Variants in DDX54 observed in about 807,000 individuals in gnomAD.
DDX54 encodes the protein ATP-dependent RNA helicase DDX54.
In DDX54, 67 loss-of-function variants were observed where a neutral mutation model predicts 105.5. That is an observed-to-expected ratio of 0.64 (90% CI 0.52 to 0.78). The LOEUF is 0.78. Ranked by LOEUF, DDX54 falls within the 30% of genes least tolerant of loss-of-function variation. The probability of loss-of-function intolerance (pLI) is 0.00; values close to 1 mark genes in which losing one functional copy is unlikely to be tolerated. For missense variants in DDX54, 1,206 were observed against 1,230.5 expected (o/e 0.98, Z 0.30); for synonymous variants, 514 against 509.9 (o/e 1.01, Z -0.11).
At chr12:113,161,591 T>G in intron 18 of DDX54, 1 of 527,940 alleles carries the variant, frequency 1.9e-6, no homozygotes, top group Non-Finnish European at 3.3e-6. Flanking sequence ...TTATTGGAGA[T>G]GCCGCTGCTG....
At chr12:113,184,172 C>G (rs968041811) in intron 1 of DDX54, among the ~76,000 whole-genome samples, 2 of 152,160 alleles carry the variant, frequency 1.3e-5, no homozygotes, top group Non-Finnish European at 2.9e-5. Flanking sequence ...TCTTGAACTC[C>G]CGACCTCAGG....
At position 113,163,524 on chromosome 12, in the gene DDX54, A is replaced by G. The variant is rs1703581181; in HGVS notation, c.1939-250T>C. 6.6e-6 allele frequency among the ~76,000 whole-genome samples: 1 copy of G among 152,040 alleles called. No individual in the cohort carries two copies. The highest frequency in any genetic ancestry group is 2.1e-4 in the South Asian group (1 of 4,828). The stretch of plus-strand genomic sequence containing the variant: ...GGCAGGACAGCTGGGTGAGGAGGAG[A>G]GTGCCGGCCGAGGGAGACCCAACTC... On this transcript the variant is annotated intron_variant, in intron 15 of 19. Coordinates refer to ENST00000306014, the MANE Select transcript of DDX54 (RefSeq NM_024072.4). This position sits in a 1 kb window ranked among gnomAD's most constrained non-coding sequence, Gnocchi z 5.9.
intron 1 of DDX54, among the ~76,000 whole-genome samples, chr12:113,184,724 G>A (rs1272035292): frequency 6.6e-6 from 1 of 152,170 alleles, no homozygotes; most frequent in East Asian, 1.9e-4. Context: ...TACCGGAGAG[G>A]CTGACGTGGG....
chr12:113,164,424 C>T, intron 14 of DDX54, 139 bp from the exon 15 acceptor site: 1 of 1,083,762 alleles, frequency 9.2e-7, no homozygotes, highest in South Asian at 1.7e-5. Flanking sequence ...ATTAGATAGA[C>T]AGACCCAGAC....
Position 113,157,556 on chromosome 12 carries a change from C to A in DDX54, c.*1321G>T. The A allele has an allele frequency of 6.6e-7, 1 of 1,512,634 alleles. No individual in the cohort carries two copies. Among genetic ancestry groups the A allele is most frequent in the Non-Finnish European group, 9.0e-7 (1 of 1,111,812 alleles). 93.7% of individuals were successfully genotyped at this position (1,512,634 alleles called of 1,614,324 possible). A position where few individuals can be genotyped will look rare whatever the true frequency, so the allele number is the denominator to read the frequency against. On this transcript the variant is annotated 3_prime_UTR_variant, in exon 20 of 20. Coordinates refer to ENST00000306014, the MANE Select transcript of DDX54 (RefSeq NM_024072.4). ...CGCGTGTTGAGGGGTGGGGGCTGGA[C>A]AGTGACTCTGGGGCTGGGATGTGAC...
chr12:113,161,923 C>T lies in DDX54; in HGVS notation c.2270G>A (p.Arg757His). Residue 757 changes from arginine (R) to histidine (H), a missense_variant, in exon 18 of 20, where the codon CGC becomes CAC. Arg to His is a conservative substitution (Grantham distance 29). Coordinates refer to ENST00000306014, the MANE Select transcript of DDX54 (RefSeq NM_024072.4). Reference protein sequence around the residue: ...DKKKIKTESGRYISSSYKRDL... With the variant: ...DKKKIKTESGHYISSSYKRDL... ...TCGCTTGTAGGAGCTGCTGATGTAGCGGCCGCTCTCTGTCTTAATCTTCTT... is the reference window on the plus strand; with the variant it reads ...TCGCTTGTAGGAGCTGCTGATGTAGTGGCCGCTCTCTGTCTTAATCTTCTT... The T allele has an allele frequency of 1.2e-6, 2 of 1,612,632 alleles. No homozygotes were observed. Among genetic ancestry groups the T allele is most frequent in the Non-Finnish European group, 1.7e-6 (2 of 1,179,828 alleles).
chr12:113,172,557 T>C lies in DDX54; in HGVS notation c.1075A>G (p.Thr359Ala). ...HHAEYLTELL[T>A]TQRVSCAHIY... ...TGGGCGCAGCTCACCCGCTGGGTCGTCAGCAGCTGCTCAGAGCAAAGATGG... is the reference window on the plus strand; with the variant it reads ...TGGGCGCAGCTCACCCGCTGGGTCGCCAGCAGCTGCTCAGAGCAAAGATGG... Residue 359 changes from threonine to alanine, a missense_variant, in exon 11 of 20, where the codon ACG becomes GCG. Transcript: ENST00000306014. The C allele has an allele frequency of 6.2e-7, 1 of 1,614,084 alleles. No individual in the cohort carries two copies. Among genetic ancestry groups the C allele is most frequent in the Non-Finnish European group, 8.5e-7 (1 of 1,180,024 alleles).
At chr12:113,168,582 A>C (rs1241175389) in intron 12 of DDX54, among the ~76,000 whole-genome samples, 3 of 152,370 alleles carry the variant, frequency 2.0e-5, no homozygotes, top group African/African-American at 7.2e-5. Context: ...GATGGAGGCC[A>C]TGGTGATTGC....
chr12:113,180,813 C>T lies in DDX54; in HGVS notation c.304+116G>A, dbSNP rs1040668816. The T allele has an allele frequency of 2.6e-6, 4 of 1,535,514 alleles. No homozygotes were observed. The African/African-American group carries it at 5.6e-5, about 21-fold the overall frequency. Reference sequence around the variant, plus strand: ...TGACTGGAGGACCACATCTGCTACCCCGGTCTACCCAACCACAGTGCTGGG... The same window carrying T: ...TGACTGGAGGACCACATCTGCTACCTCGGTCTACCCAACCACAGTGCTGGG... On this transcript the variant is annotated intron_variant, in intron 2 of 19. Transcript: ENST00000306014.
intron 12 of DDX54, among the ~76,000 whole-genome samples, chr12:113,168,899 C>T (rs751880043): frequency 6.6e-6 from 1 of 152,048 alleles, no homozygotes; most frequent in Non-Finnish European, 1.5e-5. Context: ...CACTGCACTC[C>T]AGCCTGGGCA....
chr12:113,165,551 G>A (rs1306934313), intron 14 of DDX54, 93 bp downstream of exon 14: 10 of 1,351,480 alleles, frequency 7.4e-6, no homozygotes, highest in Admixed American at 2.7e-5. Context: ...TGGCACCACC[G>A]TTGTCACTGT....
Position 113,164,153 on chromosome 12 carries a change from G to A in DDX54, c.1852C>T (p.Pro618Ser). ...QQGRQEQQEG[P>S]VGPAPSRPAL... ...GGGCGGCTCGGGGCTGGGCCCACTG[G>A]GCCCTCCTGCTGCTCCTGCCGCCCC... The change falls in exon 15 of 20, where the codon CCA becomes TCA. Residue 618 changes from proline (P) to serine (S), a missense_variant. By Grantham distance (74) the Pro-to-Ser change is moderately conservative. Around this residue, in one of 3 missense-constraint regions of DDX54, gnomAD observed 961 missense variants for 1,019.1 expected, o/e 0.94. Coordinates refer to ENST00000306014, the MANE Select transcript of DDX54 (RefSeq NM_024072.4). 1 of 1,554,670 alleles carries A rather than the reference G, an allele frequency of 6.4e-7. No homozygotes were observed. The highest frequency in any genetic ancestry group is 8.7e-7 in the Non-Finnish European group (1 of 1,150,048).
Position 113,165,655 on chromosome 12 carries a change from G to T in DDX54, c.1708C>A (p.Arg570Ser). Residue 570 changes from arginine (R) to serine (S), a missense_variant, in exon 14 of 20, where the codon CGC becomes AGC. By Grantham distance (110) the Arg-to-Ser change is moderately radical. This residue lies in a region of DDX54 where 961 missense variants were observed against 1,019.1 expected (regional missense o/e 0.94). Coordinates refer to ENST00000306014, the MANE Select transcript of DDX54 (RefSeq NM_024072.4). Reference sequence around the variant, plus strand: ...CCGGCCCCACTCACCGCCCGGGAGCGGTAGTTCTTTATGCTGTCCACCAGC... The same window carrying T: ...CCGGCCCCACTCACCGCCCGGGAGCTGTAGTTCTTTATGCTGTCCACCAGC... ...LRLVDSIKNY[R>S]SRATIFEINA... 2 of 1,610,878 alleles carry T rather than the reference G, an allele frequency of 1.2e-6. No individual in the cohort carries two copies. The highest frequency in any genetic ancestry group is 1.7e-6 in the Non-Finnish European group (2 of 1,177,910).
rs1593005371 is a variant in DDX54, at chr12:113,174,700, C to A, written c.1008G>T (p.Arg336=). 6.2e-7 allele frequency: 1 copy of A among 1,609,472 alleles called. No homozygotes were observed. The highest frequency in any genetic ancestry group is 8.5e-7 in the Non-Finnish European group (1 of 1,176,138). The change falls in exon 10 of 20, where the codon CGG becomes CGT. Residue 336 remains arginine (R), a synonymous_variant. Transcript: ENST00000306014. ...CAAACACCACGGTCTGGTCCTGGGG[C>A]CGCACCACGTTGTGCAGCAGGTGGA... ...VLLHLLHNVV[R]PQDQTVVFVA...
Position 113,164,289 on chromosome 12 carries a change from T to C in DDX54, c.1720-4A>G, listed in dbSNP as rs1484975905. ...AGGCGTTGATCTCAAAGATAGTCTGTGGAGGGGACACCCAGTCCTTTGCCC... is the reference window on the plus strand; with the variant it reads ...AGGCGTTGATCTCAAAGATAGTCTGCGGAGGGGACACCCAGTCCTTTGCCC... On this transcript the variant is annotated splice_polypyrimidine_tract_variant and splice_region_variant and intron_variant, in intron 14 of 19. Transcript: ENST00000306014. 1.3e-6 allele frequency: 2 copies of C among 1,582,308 alleles called. No individual in the cohort carries two copies. Among genetic ancestry groups the C allele is most frequent in the African/African-American group, 1.3e-5 (1 of 74,624 alleles).
At chr12:113,162,906 G>A (rs1284153558) in intron 17 of DDX54, 26 bp downstream of exon 17, 3 of 1,556,394 alleles carry the variant, frequency 1.9e-6, no homozygotes, top group Non-Finnish European at 2.6e-6. Flanking sequence ...CCCGAGCATG[G>A]AGGGGCGGCT....
chr12:113,172,672 G>A (rs1380939315), intron 10 of DDX54, 109 bp from the exon 11 acceptor site: 13 of 1,337,218 alleles, frequency 9.7e-6, no homozygotes, highest in Admixed American at 2.1e-5. Context: ...ACAAGACCAC[G>A]GGTTCTGGAG....
Position 113,158,770 on chromosome 12 carries a change from G to C in DDX54, c.*107C>G. On this transcript the variant is annotated 3_prime_UTR_variant, in exon 20 of 20. Transcript: ENST00000306014. This position sits in a 1 kb window ranked among gnomAD's most constrained non-coding sequence, Gnocchi z 4.9. ...TCACAGATGATGGCTCCTGCAGGGA[G>C]TGCCCCCAGTGCCCAGCACAGGGCC... 1 of 1,227,150 alleles carries C rather than the reference G, an allele frequency of 8.1e-7. No homozygotes were observed. The highest frequency in any genetic ancestry group is 1.6e-5 in the South Asian group (1 of 61,558). 76.0% of individuals were successfully genotyped at this position (1,227,150 alleles called of 1,614,324 possible).
chr12:113,169,733 C>T (rs1388232366), intron 12 of DDX54, 37 bp downstream of exon 12: 1 of 1,606,944 alleles, frequency 6.2e-7, no homozygotes, highest in African/African-American at 1.3e-5. Flanking sequence ...CCCATGAACT[C>T]CACGGGGACC....
Sources: gnomAD v4.1 joint callset for allele counts (sites outside exome capture counted in the v4.1 genomes callset) on GRCh38, gnomAD v4.1.1 for gene constraint, gnomAD v4.1.1 regional missense constraint, Gnocchi (gnomAD v3.1) non-coding constraint, MANE v1.5 for transcripts, NCBI Gene and HGNC (gene_info 2026-07-23, HGNC 2026-07-21) for gene names.